The following NELL2 variants were observed in gnomAD, a reference collection of about 807,000 sequenced individuals.
NELL2 encodes the protein protein kinase C-binding protein NELL2.
NELL2 carries 41 observed loss-of-function variants against 109.6 expected under a neutral mutation model. The ratio of observed to expected loss-of-function variants is 0.37; its 90% confidence interval spans 0.29 to 0.49. The LOEUF (loss-of-function observed/expected upper bound fraction) is 0.49, where lower values mean the gene tolerates loss of function less well. Ranked by LOEUF, NELL2 falls within the 20% of genes least tolerant of loss-of-function variation. The pLI is 0.98. For missense variants in NELL2, 900 were observed against 1,008.3 expected (o/e 0.89, Z 1.45); for synonymous variants, 355 against 344.7 (o/e 1.03, Z -0.33).
chr12:44,875,178 G>T, intron 2 of NELL2, 47 bp downstream of exon 2: 1 of 1,583,222 alleles, frequency 6.3e-7, no homozygotes, highest in Non-Finnish European at 8.6e-7. Flanking sequence ...TCCTGCCGGG[G>T]TTATCGGAAC....
intron 17 of NELL2, 131 bp downstream of exon 17, chr12:44,523,159 TC>T: frequency 1.1e-6 from 1 of 893,542 alleles, no homozygotes; most frequent in South Asian, 1.6e-5. Flanking sequence ...ATGGAAGTGT[TC>T]TGTTATATTA....
chr12:44,548,410 T>C (rs1230128561), intron 15 of NELL2, among the ~76,000 whole-genome samples: 1 of 151,948 alleles, frequency 6.6e-6, no homozygotes, highest in Non-Finnish European at 1.5e-5. Context: ...CTGGGCATGG[T>C]AGCAGGCACT....
chr12:44,766,810 G>C (rs1167067505), intron 9 of NELL2, among the ~76,000 whole-genome samples: 1 of 152,142 alleles, frequency 6.6e-6, no homozygotes, highest in Non-Finnish European at 1.5e-5. Flanking sequence ...TATTATTGCA[G>C]ATAGATTTGC....
intron 1 of NELL2, among the ~76,000 whole-genome samples, chr12:44,892,212 A>G (rs1284377169): frequency 6.6e-6 from 1 of 152,236 alleles, no homozygotes; most frequent in East Asian, 1.9e-4. Flanking sequence ...GCAAGAGTGA[A>G]CAGTTTACTG....
intron 9 of NELL2, among the ~76,000 whole-genome samples, chr12:44,717,417 T>G (rs1051614469): frequency 6.6e-6 from 1 of 152,164 alleles, no homozygotes; most frequent in Admixed American, 6.6e-5. Context: ...GAATTTAATG[T>G]GCTTCATGCC....
At chr12:44,913,895 T>A in exon 1 of NELL2, 1 of 546,814 alleles carries the variant, frequency 1.8e-6, no homozygotes, top group Non-Finnish European at 3.0e-6. Context: ...TAAAGCATCT[T>A]CCTTATTTCA....
At position 44,826,511 on chromosome 12, in the gene NELL2, A is replaced by G. The variant is rs1405390329; in HGVS notation, c.185-10375T>C. On this transcript the variant is annotated intron_variant, in intron 2 of 19. Coordinates refer to ENST00000429094, the MANE Select transcript of NELL2 (RefSeq NM_001145108.2). Reference sequence around the variant, plus strand: ...AAGACAAAATGGTAACAATTTTAAAAGCCATTAAAATTTGATTAACACTAC... The same window carrying G: ...AAGACAAAATGGTAACAATTTTAAAGGCCATTAAAATTTGATTAACACTAC... Among the ~76,000 whole-genome samples the G allele has an allele frequency of 3.3e-5, 5 of 152,344 alleles. No individual in the cohort carries two copies. The South Asian group carries it at 1.0e-3, about 32-fold the overall frequency.
intron 15 of NELL2, among the ~76,000 whole-genome samples, chr12:44,547,073 C>A (rs1942827227): frequency 1.3e-5 from 2 of 152,032 alleles, no homozygotes; most frequent in African/African-American, 2.4e-5. Flanking sequence ...AAAAGGAAAA[C>A]AATCTCTATA....
rs150039806 is a variant in NELL2 at position 44,816,386 on chromosome 12, A to G, written c.185-250T>C. On this transcript the variant is annotated intron_variant, in intron 2 of 19. Transcript: ENST00000429094. ...TCTTTTTTCAAAAATGTCACCTTTG[A>G]AGCAAAAAATCAAAAAACCTTACTT... Among the ~76,000 whole-genome samples, 332 of 152,314 alleles carry G rather than the reference A, an allele frequency of 2.2e-3. 2 individuals are homozygous for G. The highest frequency in any genetic ancestry group is 7.5e-3 in the African/African-American group (311 of 41,572).
At chr12:44,538,764 G>A (rs961744878) in intron 15 of NELL2, among the ~76,000 whole-genome samples, 3 of 152,142 alleles carry the variant, frequency 2.0e-5, no homozygotes, top group Non-Finnish European at 4.4e-5. Context: ...TTTGGTCAAT[G>A]TACAACTCCC....
chr12:44,869,830 T>G (rs150272575), intron 2 of NELL2, among the ~76,000 whole-genome samples: 1 of 152,202 alleles, frequency 6.6e-6, no homozygotes, highest in Non-Finnish European at 1.5e-5. Context: ...TTTTAACATG[T>G]TTTGGAATCT....
intron 12 of NELL2, among the ~76,000 whole-genome samples, chr12:44,676,829 G>T (rs942678688): frequency 1.3e-5 from 2 of 152,124 alleles, no homozygotes; most frequent in South Asian, 4.2e-4. Flanking sequence ...GGGAACAAAG[G>T]CATGTGTAGA....
intron 1 of NELL2, among the ~76,000 whole-genome samples, chr12:44,886,258 T>C (rs1376388926): frequency 2.0e-5 from 3 of 151,954 alleles, no homozygotes; most frequent in Admixed American, 6.5e-5. Flanking sequence ...AATAAAATTG[T>C]TGTGACTTGG....
At chr12:44,857,353 T>C (rs571139146) in intron 2 of NELL2, among the ~76,000 whole-genome samples, 125 of 152,216 alleles carry the variant, frequency 8.2e-4, no homozygotes, top group Middle Eastern at 3.4e-3. Flanking sequence ...CTTTAGATTG[T>C]AGAAATAAGT....
At chr12:44,852,185 T>G (rs539482309) in intron 2 of NELL2, among the ~76,000 whole-genome samples, 57 of 152,318 alleles carry the variant, frequency 3.7e-4, no homozygotes, top group African/African-American at 1.3e-3. Flanking sequence ...GCCTATTGCC[T>G]GAAATTCCGT....
intron 1 of NELL2, among the ~76,000 whole-genome samples, chr12:44,903,185 C>T (rs1216618577): frequency 1.3e-5 from 2 of 151,980 alleles, no homozygotes; most frequent in Non-Finnish European, 2.9e-5. Context: ...GGAACTTAAA[C>T]AATTTACAAG....
chr12:44,742,727 T>A (rs1407965227), intron 9 of NELL2, among the ~76,000 whole-genome samples: 1 of 151,750 alleles, frequency 6.6e-6, no homozygotes, highest in Non-Finnish European at 1.5e-5. Flanking sequence ...ATGAATGAAA[T>A]GAAGCGAGAA....
intron 13 of NELL2, among the ~76,000 whole-genome samples, chr12:44,643,262 A>G (rs1046195484): frequency 2.6e-5 from 4 of 152,188 alleles, no homozygotes; most frequent in African/African-American, 9.7e-5. Context: ...CATTTCAACC[A>G]TATCTGACTG....
intron 2 of NELL2, among the ~76,000 whole-genome samples, chr12:44,820,069 G>T (rs970558549): frequency 3.3e-5 from 5 of 152,096 alleles, no homozygotes; most frequent in Non-Finnish European, 7.4e-5. Context: ...TCCTGAATGT[G>T]ACACAGAGAG....
Sources: allele counts gnomAD v4.1 joint callset (sites outside exome capture counted in the v4.1 genomes callset), GRCh38; gene constraint gnomAD v4.1.1; transcripts MANE v1.5; gene names NCBI Gene and HGNC (gene_info 2026-07-23, HGNC 2026-07-21).